RBFOX1: variants seen among roughly 807,000 people sequenced by gnomAD.
RBFOX1 encodes RNA binding protein fox-1 homolog 1.
Under a neutral mutation model 57.7 loss-of-function variants are expected in RBFOX1, and 8 were observed. The ratio of observed to expected loss-of-function variants is 0.14; its 90% CI spans 0.08 to 0.25. The LOEUF is 0.25. Ranked by LOEUF, RBFOX1 falls within the 10% of genes least tolerant of loss-of-function variation. The probability of loss-of-function intolerance (pLI) is 1.00; values close to 1 mark genes in which losing one functional copy is unlikely to be tolerated. For missense variants in RBFOX1, 611 were observed against 548.5 expected (o/e 1.11, Z -1.14); for synonymous variants, 326 against 222.4 (o/e 1.47, Z -4.15).
At chr16:6,515,929 G>A (rs149682153) in intron 2 of RBFOX1, among the ~76,000 whole-genome samples, 280 of 152,262 alleles carry the variant, frequency 1.8e-3, no homozygotes, top group African/African-American at 6.5e-3. Context: ...GAATGAGTCT[G>A]TGAAACCTGT....
At chr16:6,677,357 C>G (rs1284131813) in intron 3 of RBFOX1, among the ~76,000 whole-genome samples, 1 of 152,160 alleles carries the variant, frequency 6.6e-6, no homozygotes, top group Non-Finnish European at 1.5e-5. Flanking sequence ...TAGATACAAA[C>G]ACACATCAAG....
intron 1 of RBFOX1, among the ~76,000 whole-genome samples, chr16:5,272,543 C>T (rs533479910): frequency 7.2e-5 from 11 of 152,206 alleles, no homozygotes; most frequent in East Asian, 3.9e-4. Context: ...CCTCCAGGGC[C>T]GACAAGTTCA....
chr16:5,719,626 C>T (rs2051853257), intron 3 of RBFOX1, among the ~76,000 whole-genome samples: 1 of 152,096 alleles, frequency 6.6e-6, no homozygotes, highest in Non-Finnish European at 1.5e-5. Flanking sequence ...ATGGACTTGC[C>T]TATTCTAGAT....
chr16:6,773,874 TTGTC>T (rs982715244), intron 3 of RBFOX1: 102 of 845,644 alleles, frequency 1.2e-4, no homozygotes, highest in East Asian at 1.2e-4. Context: ...TAGGGTGCGT[TTGTC>T]TGTGTGTATT....
intron 4 of RBFOX1, among the ~76,000 whole-genome samples, chr16:7,245,426 C>G (rs1054730347): frequency 6.7e-6 from 1 of 148,930 alleles, no homozygotes; most frequent in African/African-American, 2.5e-5. Context: ...AACCCGTCAC[C>G]TAGTATTAGT....
intron 3 of RBFOX1, chr16:5,632,406 C>A (rs62017296): frequency 3.9e-5 from 6 of 151,974 alleles, no homozygotes; most frequent in South Asian, 2.1e-4. Context: ...TAATAGCTAC[C>A]CTGTATGTTG....
intron 9 of RBFOX1, among the ~76,000 whole-genome samples, chr16:7,597,887 C>G (rs1297804740): frequency 1.3e-5 from 2 of 152,136 alleles, no homozygotes; most frequent in African/African-American, 4.8e-5. Flanking sequence ...GAGTATACCT[C>G]ATGTCTGAAT....
chr16:5,842,886 C>T (rs988294514), intron 3 of RBFOX1, among the ~76,000 whole-genome samples: 1 of 152,118 alleles, frequency 6.6e-6, no homozygotes, highest in African/African-American at 2.4e-5. Context: ...TGGCATGATC[C>T]TGGCTCACTG....
At chr16:7,296,864 C>A (rs968893686) in intron 4 of RBFOX1, among the ~76,000 whole-genome samples, 2 of 152,132 alleles carry the variant, frequency 1.3e-5, no homozygotes, top group East Asian at 1.9e-4. Flanking sequence ...GAGTTAAGAG[C>A]CTAGCTTTGT....
chr16:6,222,537 G>A (rs1202285904), intron 1 of RBFOX1, among the ~76,000 whole-genome samples: 2 of 151,724 alleles, frequency 1.3e-5, no homozygotes, highest in African/African-American at 2.4e-5. Flanking sequence ...GCAACCATCG[G>A]CTTCTAGATG....
intron 4 of RBFOX1, among the ~76,000 whole-genome samples, chr16:7,444,758 C>G (rs1438942544): frequency 6.6e-6 from 1 of 152,152 alleles, no homozygotes; most frequent in Non-Finnish European, 1.5e-5. Context: ...TCCTGAACCC[C>G]TGGGCTCAAG....
At chr16:6,638,935 G>C (rs928772748) in intron 2 of RBFOX1, among the ~76,000 whole-genome samples, 2 of 152,116 alleles carry the variant, frequency 1.3e-5, no homozygotes, top group Non-Finnish European at 2.9e-5. Flanking sequence ...AAAATGCCAA[G>C]GTCACAGGGA....
At chr16:5,338,296 G>A (rs2064948947) in intron 1 of RBFOX1, among the ~76,000 whole-genome samples, 1 of 152,132 alleles carries the variant, frequency 6.6e-6, no homozygotes, top group East Asian at 1.9e-4. Flanking sequence ...TGATCAAGCT[G>A]GACCAGTCAG....
At chr16:6,051,206 C>T (rs1310344130) in intron 1 of RBFOX1, among the ~76,000 whole-genome samples, 1 of 151,582 alleles carries the variant, frequency 6.6e-6, no homozygotes, top group Non-Finnish European at 1.5e-5. Flanking sequence ...TAGAGGTGTC[C>T]CATGAATCTT....
At chr16:6,338,707 A>G (rs1438106280) in intron 2 of RBFOX1, among the ~76,000 whole-genome samples, 2 of 152,204 alleles carry the variant, frequency 1.3e-5, no homozygotes, top group Non-Finnish European at 2.9e-5. Context: ...GGCACTCAAG[A>G]GACCTGAAAA....
At chr16:5,338,093 G>A (rs1369199465) in intron 1 of RBFOX1, among the ~76,000 whole-genome samples, 1 of 152,146 alleles carries the variant, frequency 6.6e-6, no homozygotes, top group African/African-American at 2.4e-5. Context: ...GATAGAGGGT[G>A]ATCCCAGGCA....
At chr16:5,467,239 C>G (rs1052131795) in exon 2 of RBFOX1, 18 of 1,501,404 alleles carry the variant, frequency 1.2e-5, no homozygotes, top group African/African-American at 2.8e-5. Context: ...TGCCATACAG[C>G]CTGGTTGAGG....
intron 14 of RBFOX1, among the ~76,000 whole-genome samples, chr16:7,706,909 T>C (rs575605080): frequency 6.6e-6 from 1 of 152,334 alleles, no homozygotes; most frequent in East Asian, 1.9e-4. Context: ...ATTATTATTT[T>C]ATCAAAAACT....
intron 7 of RBFOX1, among the ~76,000 whole-genome samples, chr16:7,592,454 G>A (rs2094491570): frequency 6.6e-6 from 1 of 152,162 alleles, no homozygotes. Context: ...TTGGACAGGA[G>A]GGTGAGTGTT....
Sources: gnomAD v4.1 joint callset for allele counts (sites outside exome capture counted in the v4.1 genomes callset) on GRCh38, gnomAD v4.1.1 for gene constraint, MANE v1.5 for transcripts, NCBI Gene and HGNC (gene_info 2026-07-23, HGNC 2026-07-21) for gene names.